Variants in FIG4 observed in about 807,000 individuals in gnomAD.
FIG4 encodes the protein FIG4 phosphoinositide 5-phosphatase, also known as polyphosphoinositide phosphatase.
Under a neutral mutation model 118.6 loss-of-function variants are expected in FIG4, and 112 were observed. The ratio of observed to expected loss-of-function variants is 0.94; its 90% CI spans 0.81 to 1.11. The LOEUF (loss-of-function observed/expected upper bound fraction) is 1.11. Among genes scored for constraint, FIG4 ranks in the 50% least tolerant of loss-of-function variants. The probability of loss-of-function intolerance (pLI) is 0.00; values close to 1 mark genes in which losing one functional copy is unlikely to be tolerated. For synonymous variants in FIG4, 369 were observed against 381.2 expected (o/e 0.97, Z 0.37); for missense variants, 969 against 1,111.7 (o/e 0.87, Z 1.83).
intron 10 of FIG4, among the ~76,000 whole-genome samples, chr6:109,745,091 G>T (rs1329884737): frequency 6.6e-6 from 1 of 152,068 alleles, no homozygotes; most frequent in Non-Finnish European, 1.5e-5. Flanking sequence ...GAATAGTGCT[G>T]CAATAAACAT....
rs550292730 is a variant in FIG4, at chr6:109,784,881, A to G, written c.1890-89A>G. Reference sequence around the variant, plus strand: ...AACTTTGAAGTAGGAACATGTTACTATAGACCATATAAATTATTTTATCCA... The same window carrying G: ...AACTTTGAAGTAGGAACATGTTACTGTAGACCATATAAATTATTTTATCCA... On this transcript the variant is annotated intron_variant, in intron 16 of 22. Transcript: ENST00000230124. The G allele has an allele frequency of 7.2e-4, 499 of 694,010 alleles. 1 individual carries two copies. Among genetic ancestry groups the G allele is most frequent in the Non-Finnish European group, 1.1e-3 (441 of 404,924 alleles). The allele number at this position is 694,010 out of a possible 1,614,324, so 43.0% of individuals were successfully genotyped here. A position where few individuals can be genotyped will look rare whatever the true frequency, so the allele number is the denominator to read the frequency against.
At chr6:109,811,016 T>A (rs1251683655) in intron 22 of FIG4, among the ~76,000 whole-genome samples, 1 of 152,140 alleles carries the variant, frequency 6.6e-6, no homozygotes. Context: ...TTAGAAAGGT[T>A]TTATTTTTTT....
chr6:109,716,225 A>AT (rs1057095256), intron 2 of FIG4, among the ~76,000 whole-genome samples: 66 of 152,016 alleles, frequency 4.3e-4, no homozygotes, highest in African/African-American at 1.4e-3. Context: ...AGGTTTGGAC[A>AT]TTTTTTTTAG....
intron 1 of FIG4, among the ~76,000 whole-genome samples, chr6:109,703,913 C>A (rs1304986356): frequency 6.6e-6 from 1 of 152,164 alleles, no homozygotes; most frequent in African/African-American, 2.4e-5. Flanking sequence ...CCGTATCCAG[C>A]CTCTAAATAA....
At chr6:109,785,390 A>G (rs573262349) in intron 17 of FIG4, among the ~76,000 whole-genome samples, 7 of 152,322 alleles carry the variant, frequency 4.6e-5, no homozygotes, top group African/African-American at 1.7e-4. Flanking sequence ...GTAAGGACCT[A>G]TTCACAAGGA....
rs1481348245 is a variant in FIG4 at position 109,715,006 on chromosome 6, A to T, written c.67-72A>T. The T allele has an allele frequency of 6.3e-6, 5 of 795,252 alleles. No homozygotes were observed. In the African/African-American group the frequency reaches 8.6e-5, roughly 14 times the overall value. The allele number at this position is 795,252 out of a possible 1,614,324, so 49.3% of individuals were successfully genotyped here. A position where few individuals can be genotyped will look rare whatever the true frequency, so the allele number is the denominator to read the frequency against. ...CTTTATTAATGTATTTAATTTCAAAAACTAAAGTGGTATAAAATGTGTATA... is the reference window on the plus strand; with the variant it reads ...CTTTATTAATGTATTTAATTTCAAATACTAAAGTGGTATAAAATGTGTATA... On this transcript the variant is annotated intron_variant, in intron 1 of 22. Transcript: ENST00000230124.
chr6:109,792,409 T>C (rs978098700), intron 20 of FIG4, among the ~76,000 whole-genome samples, 173 bp from the exon 21 acceptor site: 3 of 152,206 alleles, frequency 2.0e-5, no homozygotes, highest in African/African-American at 7.2e-5. Context: ...TTAGCAGAAA[T>C]GGAAATCAAA....
intron 15 of FIG4, among the ~76,000 whole-genome samples, chr6:109,770,774 A>G (rs1271390168): frequency 6.6e-6 from 1 of 151,944 alleles, no homozygotes; most frequent in Non-Finnish European, 1.5e-5. Context: ...CAACCCAAAC[A>G]CCTTCCGCCA....
intron 14 of FIG4, among the ~76,000 whole-genome samples, chr6:109,766,353 C>T (rs558980193): frequency 3.3e-5 from 5 of 152,274 alleles, no homozygotes; most frequent in East Asian, 3.9e-4. Context: ...GGACTGACAC[C>T]GTGACAGGAG....
chr6:109,735,926 C>T (rs1776146542), intron 6 of FIG4, among the ~76,000 whole-genome samples: 1 of 151,716 alleles, frequency 6.6e-6, no homozygotes, highest in South Asian at 2.1e-4. Flanking sequence ...GGTCTTGCCT[C>T]TGCAGGACTG....
chr6:109,733,461 T>G (rs943677509), intron 5 of FIG4, among the ~76,000 whole-genome samples: 1 of 152,022 alleles, frequency 6.6e-6, no homozygotes, highest in African/African-American at 2.4e-5. Flanking sequence ...AGGACTTGAG[T>G]CATAAAGACT....
intron 1 of FIG4, among the ~76,000 whole-genome samples, chr6:109,694,672 T>C (rs12201356): frequency 0.34 from 51,580 of 151,982 alleles, 9,269 homozygotes; most frequent in South Asian, 0.44. Context: ...GGAGAAAATA[T>C]TTGCAAACTC....
intron 1 of FIG4, among the ~76,000 whole-genome samples, chr6:109,710,936 A>T (rs1353486700): frequency 6.6e-6 from 1 of 151,540 alleles, no homozygotes; most frequent in African/African-American, 2.4e-5. Context: ...TGCCAGATTC[A>T]TTGACCTTTT....
intron 10 of FIG4, 32 bp downstream of exon 10, chr6:109,743,804 T>G: frequency 6.7e-7 from 1 of 1,494,548 alleles, no homozygotes. Context: ...GGTTATGAGA[T>G]TCAGACGCTC....
In FIG4 at chr6:109,785,037, CTGTT is replaced by C. The variant is rs959049914; in HGVS notation, c.1948+13_1948+16del. On this transcript the variant is annotated intron_variant, in intron 17 of 22. Transcript: ENST00000230124. ...ATTGCCCTATGATGAAGGTAGGTAA[CTGTT>C]TGTGTTTTAGTTTTTACACTAACAT... The C allele has an allele frequency of 1.3e-6, 2 of 1,507,262 alleles. No homozygotes were observed. The highest frequency in any genetic ancestry group is 1.8e-6 in the Non-Finnish European group (2 of 1,081,156). The allele number at this position is 1,507,262 out of a possible 1,614,324, so 93.4% of individuals were successfully genotyped here.
At chr6:109,781,696 G>A (rs1028814078) in intron 16 of FIG4, among the ~76,000 whole-genome samples, 3 of 149,348 alleles carry the variant, frequency 2.0e-5, no homozygotes, top group Admixed American at 6.8e-5. Context: ...TGTCATGTTC[G>A]TATATGCTTT....
At chr6:109,706,779 CCT>C (rs901730534) in intron 1 of FIG4, among the ~76,000 whole-genome samples, 1 of 152,164 alleles carries the variant, frequency 6.6e-6, no homozygotes, top group Non-Finnish European at 1.5e-5. Flanking sequence ...CATCTTCTTC[CCT>C]TTTCAGTTCT....
chr6:109,765,856 A>G (rs1382334563), intron 14 of FIG4, among the ~76,000 whole-genome samples: 1 of 152,232 alleles, frequency 6.6e-6, no homozygotes, highest in Admixed American at 6.5e-5. Flanking sequence ...GGAAATTGTC[A>G]TAAAGGCTCA....
chr6:109,717,169 A>G (rs1775459164), intron 3 of FIG4, among the ~76,000 whole-genome samples: 1 of 152,054 alleles, frequency 6.6e-6, no homozygotes, highest in Non-Finnish European at 1.5e-5. Flanking sequence ...TGGTTTACCA[A>G]CTCAGGTGCA....
Sources: gnomAD v4.1 joint callset for allele counts (sites outside exome capture counted in the v4.1 genomes callset) on GRCh38, gnomAD v4.1.1 for gene constraint, MANE v1.5 for transcripts, NCBI Gene and HGNC (gene_info 2026-07-23, HGNC 2026-07-21) for gene names.